The following TTC34 variants were observed in gnomAD, a reference collection of about 807,000 sequenced individuals.
TTC34 encodes the protein tetratricopeptide repeat domain 34.
A neutral mutation model predicts 40.7 loss-of-function variants in TTC34; 44 were observed. The ratio of observed to expected loss-of-function variants is 1.08; its 90% CI spans 0.85 to 1.39. The LOEUF (loss-of-function observed/expected upper bound fraction) is 1.39. TTC34 is among the 40% of genes most tolerant of loss of function. TTC34 has a pLI of 0.00. For synonymous variants in TTC34, 422 were observed against 398.6 expected (o/e 1.06, Z -0.70); for missense variants, 884 against 838.0 (o/e 1.05, Z -0.68).
intron 6 of TTC34, among the ~76,000 whole-genome samples, chr1:2,683,419 A>C (rs1288280012): frequency 7.5e-6 from 1 of 132,924 alleles, no homozygotes; most frequent in Non-Finnish European, 1.6e-5. Context: ...ATAGCCTGGA[A>C]CACCACCCTT....
At chr1:2,760,230 C>A (rs1353271388) in intron 6 of TTC34, among the ~76,000 whole-genome samples, 4 of 104,604 alleles carry the variant, frequency 3.8e-5, no homozygotes, top group Non-Finnish European at 7.3e-5. Context: ...AGTCATGGAG[C>A]AGCACCCACA....
At chr1:2,699,029 T>C (rs1398218853) in intron 6 of TTC34, among the ~76,000 whole-genome samples, 293 of 54,312 alleles carry the variant, frequency 5.4e-3, no homozygotes, top group Non-Finnish European at 7.6e-3. Flanking sequence ...GAGCATCTGA[T>C]GGTCTGGAGA....
At chr1:2,687,600 C>A (rs1570818335) in intron 6 of TTC34, among the ~76,000 whole-genome samples, 1 of 148,548 alleles carries the variant, frequency 6.7e-6, no homozygotes, top group Non-Finnish European at 1.5e-5. Context: ...TGGAACAGCA[C>A]CCACACCCCC....
intron 6 of TTC34, among the ~76,000 whole-genome samples, chr1:2,780,631 C>T (rs919403167): frequency 1.3e-5 from 2 of 152,114 alleles, no homozygotes; most frequent in Non-Finnish European, 2.9e-5. Context: ...TGTTTTTGTG[C>T]CATACCACAC....
intron 6 of TTC34, among the ~76,000 whole-genome samples, chr1:2,683,727 G>A (rs112510948): frequency 5.8e-5 from 2 of 34,254 alleles, no homozygotes; most frequent in African/African-American, 2.1e-4. Context: ...CAGGTGAGCA[G>A]CTGATATCCT....
chr1:2,681,173 A>T (rs1466860715), intron 6 of TTC34, among the ~76,000 whole-genome samples: 1 of 124,904 alleles, frequency 8.0e-6, no homozygotes, highest in Non-Finnish European at 1.7e-5. Context: ...AACCTGGAGC[A>T]GCACCCACGC....
intron 6 of TTC34, among the ~76,000 whole-genome samples, chr1:2,751,029 C>A (rs1246033380): frequency 1.7e-5 from 2 of 121,078 alleles, no homozygotes; most frequent in African/African-American, 7.3e-5. Context: ...ATCTGACAGC[C>A]TGGAACAGAA....
intron 6 of TTC34, among the ~76,000 whole-genome samples, chr1:2,695,697 C>T (rs1446686013): frequency 2.2e-5 from 3 of 137,896 alleles, no homozygotes; most frequent in East Asian, 4.1e-4. Context: ...CATCTGACAG[C>T]CTGGAACAGC....
At chr1:2,699,661 T>TGAGTATCACGCACAGCCCCAGGA (rs1641039543) in intron 6 of TTC34, among the ~76,000 whole-genome samples, 1 of 47,806 alleles carries the variant, frequency 2.1e-5, no homozygotes, top group Non-Finnish European at 5.5e-5. Flanking sequence ...AACCCCAAGG[T>TGAGTATCACGCACAGCCCCAGGA]GAGCATCTGA....
intron 8 of TTC34, among the ~76,000 whole-genome samples, chr1:2,643,974 T>A (rs1638967131): frequency 6.6e-6 from 1 of 152,142 alleles, no homozygotes; most frequent in Non-Finnish European, 1.5e-5. Context: ...CCTGGCTGGC[T>A]CAGTCTGGCC....
At chr1:2,754,773 C>G (rs1641448016) in intron 6 of TTC34, among the ~76,000 whole-genome samples, 1 of 151,642 alleles carries the variant, frequency 6.6e-6, no homozygotes, top group Admixed American at 6.6e-5. Context: ...GGAGCAGCAC[C>G]CACACCCACA....
exon 6 of TTC34, chr1:2,783,766 G>C: frequency 6.6e-7 from 1 of 1,509,634 alleles, no homozygotes; most frequent in East Asian, 2.5e-5. Flanking sequence ...GGACTCACTT[G>C]CCTGGCTTCC....
intron 6 of TTC34, among the ~76,000 whole-genome samples, chr1:2,675,159 A>G (rs1639856456): frequency 7.3e-6 from 1 of 136,614 alleles, no homozygotes; most frequent in African/African-American, 2.7e-5. Context: ...CAGCACCCAC[A>G]CCCCCAGGGG....
rs1445455062 is a variant in TTC34 at position 2,749,329 on chromosome 1, G to A, written c.2226+34280C>T. 7.0e-5 allele frequency among the ~76,000 whole-genome samples: 6 copies of A among 85,230 alleles called. 3 individuals are homozygous for A. Among genetic ancestry groups the A allele is most frequent in the African/African-American group, 1.7e-4 (2 of 11,876 alleles). 55.9% of individuals were successfully genotyped at this position (85,230 alleles called of 152,430 possible). On this transcript the variant is annotated intron_variant, in intron 6 of 8. Coordinates refer to ENST00000401095, the Ensembl canonical transcript of TTC34. ...TCTGGAACAGAACCCACACCCACAG[G>A]TGAGCATCTGACAGACTGGAACAGC...
At chr1:2,651,433 A>C (rs1325186538) in intron 6 of TTC34, among the ~76,000 whole-genome samples, 7 of 151,354 alleles carry the variant, frequency 4.6e-5, no homozygotes. Flanking sequence ...ACACAACCCC[A>C]CACACGCAGG....
At chr1:2,682,210 C>G (rs1288016947) in intron 6 of TTC34, among the ~76,000 whole-genome samples, 5 of 135,818 alleles carry the variant, frequency 3.7e-5, no homozygotes, top group African/African-American at 1.1e-4. Flanking sequence ...CATCCGATAA[C>G]CTGGAGCAGC....
chr1:2,788,648 T>C (rs1053011262), intron 3 of TTC34, among the ~76,000 whole-genome samples: 1 of 152,206 alleles, frequency 6.6e-6, no homozygotes, highest in Admixed American at 6.5e-5. Context: ...GAGTGGGGGA[T>C]GGGCGGTGGC....
chr1:2,764,197 T>C (rs1641723353), intron 6 of TTC34, among the ~76,000 whole-genome samples: 1 of 149,108 alleles, frequency 6.7e-6, no homozygotes, highest in African/African-American at 2.5e-5. Flanking sequence ...GGTGAGCATC[T>C]GACAGTCTGG....
chr1:2,781,899 G>A (rs888091793), intron 6 of TTC34, among the ~76,000 whole-genome samples: 1 of 152,102 alleles, frequency 6.6e-6, no homozygotes, highest in Non-Finnish European at 1.5e-5. Context: ...TTAACAAATT[G>A]CTGAATTTGT....
Sources: allele counts gnomAD v4.1 joint callset (sites outside exome capture counted in the v4.1 genomes callset), GRCh38; gene constraint gnomAD v4.1.1; transcripts MANE v1.5; gene names NCBI Gene and HGNC (gene_info 2026-07-23, HGNC 2026-07-21).